Variants in ARID3B observed in about 807,000 individuals in gnomAD.
ARID3B encodes AT-rich interaction domain 3B.
A neutral mutation model predicts 51.9 loss-of-function variants in ARID3B; 10 were observed. That is an observed-to-expected ratio of 0.19 (90% CI 0.12 to 0.33). The LOEUF (loss-of-function observed/expected upper bound fraction) is 0.33, where lower values mean the gene tolerates loss of function less well. ARID3B is among the 10% of genes least tolerant of loss of function. The pLI is 1.00. For synonymous variants in ARID3B, 205 were observed against 279.5 expected (o/e 0.73, Z 2.66); for missense variants, 483 against 716.3 (o/e 0.67, Z 3.72).
intron 4 of ARID3B, among the ~76,000 whole-genome samples, chr15:74,575,791 C>T (rs192203418): frequency 7.4e-4 from 113 of 152,308 alleles, no homozygotes; most frequent in Middle Eastern, 3.4e-3. Context: ...AGAAGGGAAA[C>T]GGTTCTGTCT....
intron 2 of ARID3B, among the ~76,000 whole-genome samples, chr15:74,561,820 T>G (rs1004187299): frequency 6.6e-6 from 1 of 152,230 alleles, no homozygotes; most frequent in Non-Finnish European, 1.5e-5. Flanking sequence ...ACAAAAGCCA[T>G]GCACACTCAG....
chr15:74,595,585 C>T (rs2061821597), intron 8 of ARID3B, 26 bp from the exon 9 acceptor site: 2 of 1,607,486 alleles, frequency 1.2e-6, no homozygotes, highest in African/African-American at 2.7e-5. Context: ...CCTCTGCCCA[C>T]ACTTGCTTCT....
At chr15:74,554,917 A>C (rs1340452403) in intron 2 of ARID3B, among the ~76,000 whole-genome samples, 2 of 152,122 alleles carry the variant, frequency 1.3e-5, no homozygotes, top group Admixed American at 1.3e-4. Flanking sequence ...TGGTCTATTA[A>C]GTATACAGTA....
At chr15:74,589,760 ATCTT>A in intron 4 of ARID3B, 56 bp from the exon 5 acceptor site, 2 of 1,517,996 alleles carry the variant, frequency 1.3e-6, no homozygotes, top group Non-Finnish European at 9.0e-7. Context: ...CATACACGGA[ATCTT>A]TCTTCTCAGC....
chr15:74,593,148 A>G lies in ARID3B; in HGVS notation c.1431A>G (p.Ala477=). Residue 477 remains alanine, a synonymous_variant, in exon 8 of 9, where the codon GCA becomes GCG. Transcript: ENST00000346246. ...KIRINGREDR[A]EASAAALNLT... ...CCCTGTCCCCAGCAGAAGACAGAGCAGAGGCCTCGGCTGCAGCACTGAACC... is the reference window on the plus strand; with the variant it reads ...CCCTGTCCCCAGCAGAAGACAGAGCGGAGGCCTCGGCTGCAGCACTGAACC... 5 of 1,613,082 alleles carry G rather than the reference A, an allele frequency of 3.1e-6. No individual in the cohort carries two copies. The highest frequency in any genetic ancestry group is 4.2e-6 in the Non-Finnish European group (5 of 1,179,836).
chr15:74,580,138 C>G (rs1417362088), intron 4 of ARID3B, among the ~76,000 whole-genome samples: 1 of 152,080 alleles, frequency 6.6e-6, no homozygotes, highest in African/African-American at 2.4e-5. Context: ...TTGCAGTGAG[C>G]CAGGATTGCA....
At chr15:74,545,979 C>T (rs1354672253) in intron 2 of ARID3B, among the ~76,000 whole-genome samples, 1 of 152,188 alleles carries the variant, frequency 6.6e-6, no homozygotes, top group African/African-American at 2.4e-5. Context: ...AAAGCTTGTC[C>T]AGTGCCAGGC....
intron 2 of ARID3B, among the ~76,000 whole-genome samples, chr15:74,554,672 AT>A (rs1253753760): frequency 6.6e-6 from 1 of 152,012 alleles, no homozygotes; most frequent in Non-Finnish European, 1.5e-5. Flanking sequence ...TCTTGTATTG[AT>A]TTGATCGAGT....
Position 74,557,190 on chromosome 15 carries a change from G to A in ARID3B, c.552+12702G>A, listed in dbSNP as rs189505754. 1.7e-3 allele frequency among the ~76,000 whole-genome samples: 263 copies of A among 151,904 alleles called. 1 individual carries two copies. The highest frequency in any genetic ancestry group is 2.8e-3 in the Non-Finnish European group (193 of 67,950). Reference sequence around the variant, plus strand: ...AGCACTTTCGGAGGCCAACGCAGGCGGATTGCTTGAGCCCAGGAGATCAAG... The same window carrying A: ...AGCACTTTCGGAGGCCAACGCAGGCAGATTGCTTGAGCCCAGGAGATCAAG... On this transcript the variant is annotated intron_variant, in intron 2 of 8. Coordinates refer to ENST00000346246, the MANE Select transcript of ARID3B (RefSeq NM_006465.4).
chr15:74,543,284 A>T (rs1361163944), intron 1 of ARID3B, among the ~76,000 whole-genome samples: 1 of 152,160 alleles, frequency 6.6e-6, no homozygotes, highest in Non-Finnish European at 1.5e-5. Context: ...GGGAAATTTG[A>T]AAAGCTTAGA....
chr15:74,596,614 CT>C lies in ARID3B; in HGVS notation c.*842del, dbSNP rs2061826426. 1 of 233,706 alleles carries C rather than the reference CT, an allele frequency of 4.3e-6. No homozygotes were observed. The highest frequency in any genetic ancestry group is 8.5e-6 in the Non-Finnish European group (1 of 118,148). 14.5% of individuals were successfully genotyped at this position (233,706 alleles called of 1,614,324 possible). A position where few individuals can be genotyped will look rare whatever the true frequency, so the allele number is the denominator to read the frequency against. On this transcript the variant is annotated 3_prime_UTR_variant, in exon 9 of 9. Transcript: ENST00000346246. ...GCCCTCCCCAGTCCTCCCCAGCCTTCTTCAGCCTTCTTCAGCTCAGCCCTCT... is the reference window on the plus strand; with the variant it reads ...GCCCTCCCCAGTCCTCCCCAGCCTTCTCAGCCTTCTTCAGCTCAGCCCTCT...
intron 4 of ARID3B, 97 bp from the exon 5 acceptor site, chr15:74,589,723 A>G: frequency 1.5e-6 from 2 of 1,294,012 alleles, no homozygotes; most frequent in Non-Finnish European, 2.2e-6. Context: ...GTTGATGAGC[A>G]TTGTTTCCAG....
intron 4 of ARID3B, among the ~76,000 whole-genome samples, chr15:74,580,788 G>A (rs1350733763): frequency 1.3e-5 from 2 of 152,188 alleles, no homozygotes; most frequent in Middle Eastern, 6.3e-3. Flanking sequence ...GGAGAAGCAG[G>A]CAAACCTCAT....
chr15:74,545,856 T>C (rs1225136604), intron 2 of ARID3B, among the ~76,000 whole-genome samples: 8 of 152,210 alleles, frequency 5.3e-5, no homozygotes, highest in African/African-American at 1.9e-4. Context: ...GCCCTTGTGA[T>C]CTTTTAGTAG....
intron 2 of ARID3B, among the ~76,000 whole-genome samples, chr15:74,551,473 C>G (rs1186848697): frequency 1.3e-5 from 2 of 152,172 alleles, no homozygotes; most frequent in East Asian, 1.9e-4. Flanking sequence ...TGGGTCCTTA[C>G]CCTCTCACCA....
In ARID3B at chr15:74,595,753, C is replaced by T. The variant is rs1463892656; in HGVS notation, c.1662C>T (p.Pro554=). 3 of 1,606,064 alleles carry T rather than the reference C, an allele frequency of 1.9e-6. No individual in the cohort carries two copies. Among genetic ancestry groups the T allele is most frequent in the South Asian group, 1.1e-5 (1 of 90,274 alleles). ...TSSRGTPSAE[P]STSWSL ...CCCGGGGCACCCCCAGCGCAGAGCC[C>T]TCCACCAGCTGGTCCCTCTGATGGG... The change falls in exon 9 of 9, where the codon CCC becomes CCT. Residue 554 remains proline (P), a synonymous_variant. Coordinates refer to ENST00000346246, the MANE Select transcript of ARID3B (RefSeq NM_006465.4).
intron 4 of ARID3B, among the ~76,000 whole-genome samples, chr15:74,577,015 T>C (rs996286975): frequency 1.3e-5 from 2 of 152,230 alleles, no homozygotes; most frequent in Non-Finnish European, 2.9e-5. Flanking sequence ...AGCTGAGTTA[T>C]TGAAGGCAAA....
chr15:74,547,451 G>A lies in ARID3B; in HGVS notation c.552+2963G>A, dbSNP rs537665833. Among the ~76,000 whole-genome samples the A allele has an allele frequency of 1.0e-3, 155 of 151,892 alleles. 1 individual carries two copies. Among genetic ancestry groups the A allele is most frequent in the Middle Eastern group, 3.4e-3 (1 of 294 alleles). On this transcript the variant is annotated intron_variant, in intron 2 of 8. Transcript: ENST00000346246. The stretch of plus-strand genomic sequence containing the variant: ...GCCCGTCCTGGCCTCCCAAAGTGCT[G>A]GGATTACAGGCGTGAGCCACCGCGC...
chr15:74,546,305 A>G (rs1399254987), intron 2 of ARID3B, among the ~76,000 whole-genome samples: 1 of 151,784 alleles, frequency 6.6e-6, no homozygotes, highest in Non-Finnish European at 1.5e-5. Context: ...GAGTCAGCTC[A>G]TAGCAGGATC....
Sources: allele counts gnomAD v4.1 joint callset (sites outside exome capture counted in the v4.1 genomes callset), GRCh38; gene constraint gnomAD v4.1.1; transcripts MANE v1.5; gene names NCBI Gene and HGNC (gene_info 2026-07-23, HGNC 2026-07-21).